RGS7: variants seen among roughly 807,000 people sequenced by gnomAD.
RGS7 encodes the protein regulator of G protein signaling 7.
Under a neutral mutation model 81.1 loss-of-function variants are expected in RGS7, and 27 were observed. That is an observed-to-expected ratio of 0.33 (90% confidence interval 0.25 to 0.46). RGS7 has a LOEUF of 0.46. Ranked by LOEUF, RGS7 falls within the 20% of genes least tolerant of loss-of-function variation. The pLI, the probability that RGS7 is intolerant of heterozygous loss-of-function variation, is 1.00. For missense variants in RGS7, 396 were observed against 607.4 expected, an observed-to-expected ratio of 0.65 and a Z score of 3.66; for synonymous variants, 208 against 207.7, an observed-to-expected ratio of 1.00 and a Z score of -0.01.
At chr1:240,827,895 G>A (rs1693165121) in intron 9 of RGS7, among the ~76,000 whole-genome samples, 1 of 145,624 alleles carries the variant, frequency 6.9e-6, no homozygotes, top group Non-Finnish European at 1.5e-5. Context: ...AAAACAGGCT[G>A]TTATTAGATG....
chr1:240,816,593 G>A (rs1010563155), intron 10 of RGS7, among the ~76,000 whole-genome samples, 178 bp from the exon 11 acceptor site: 5 of 151,952 alleles, frequency 3.3e-5, no homozygotes, highest in African/African-American at 1.2e-4. Context: ...TAAAATAGAA[G>A]CACAGCTCGG....
Position 240,793,384 on chromosome 1 carries a change from G to T in RGS7, c.*6+7257C>A, listed in dbSNP as rs147175084. On this transcript the variant is annotated intron_variant, in intron 18 of 18. Transcript: ENST00000440928. ...TTTTCTCAGGCAAGTTATCATCACC[G>T]CCAGTTTCAATAAAATAAGATGGAT... Among the ~76,000 whole-genome samples the T allele has an allele frequency of 2.2e-4, 34 of 151,910 alleles. No individual in the cohort carries two copies. The East Asian group carries it at 5.8e-3, about 26-fold the overall frequency.
intron 9 of RGS7, among the ~76,000 whole-genome samples, chr1:240,864,358 CAT>C (rs1202203523): frequency 1.3e-5 from 2 of 152,108 alleles, no homozygotes; most frequent in Non-Finnish European, 2.9e-5. Context: ...TTGAAGGAAA[CAT>C]GTTTTAGTCA....
At chr1:240,835,666 C>T (rs368845092) in intron 9 of RGS7, among the ~76,000 whole-genome samples, 20 of 152,258 alleles carry the variant, frequency 1.3e-4, no homozygotes, top group Admixed American at 7.2e-4. Flanking sequence ...TTCATAATTG[C>T]CGAAACTTCA....
chr1:241,258,070 G>A (rs10754721), intron 2 of RGS7, among the ~76,000 whole-genome samples: 19,968 of 152,120 alleles, frequency 0.13, 1,465 homozygotes, highest in East Asian at 0.21. Flanking sequence ...TATTGACTAT[G>A]TAATGAGACT....
At chr1:241,339,620 A>T (rs926564588) in intron 2 of RGS7, among the ~76,000 whole-genome samples, 5 of 152,182 alleles carry the variant, frequency 3.3e-5, no homozygotes, top group Non-Finnish European at 5.9e-5. Flanking sequence ...TGACCCTGTA[A>T]TCATCAGGGA....
intron 2 of RGS7, among the ~76,000 whole-genome samples, chr1:241,342,843 T>C (rs540967006): frequency 5.1e-4 from 78 of 152,332 alleles, no homozygotes; most frequent in African/African-American, 1.9e-3. Context: ...GGATGACTAT[T>C]ACCAAAGAAA....
intron 2 of RGS7, among the ~76,000 whole-genome samples, chr1:241,247,146 C>T (rs576477241): frequency 2.9e-4 from 44 of 152,160 alleles, no homozygotes; most frequent in African/African-American, 1.0e-3. Flanking sequence ...CTTCTGTAGG[C>T]TATAAGCTCT....
At chr1:241,141,150 G>A (rs530767563) in intron 2 of RGS7, among the ~76,000 whole-genome samples, 1 of 152,310 alleles carries the variant, frequency 6.6e-6, no homozygotes, top group Admixed American at 6.5e-5. Flanking sequence ...TCTTTACTCA[G>A]ATTGGAGTTA....
intron 4 of RGS7, among the ~76,000 whole-genome samples, chr1:240,937,741 C>A (rs1236569141): frequency 6.6e-6 from 1 of 152,058 alleles, no homozygotes; most frequent in East Asian, 1.9e-4. Flanking sequence ...TGATATGGAC[C>A]ATTATTTTGT....
intron 3 of RGS7, chr1:240,998,834 T>C: frequency 1.7e-6 from 1 of 573,916 alleles, no homozygotes; most frequent in Non-Finnish European, 3.3e-6. Flanking sequence ...CGGACGCGGA[T>C]GGACCGAGCA....
chr1:241,242,893 T>C (rs2076332552), intron 2 of RGS7, among the ~76,000 whole-genome samples: 1 of 152,262 alleles, frequency 6.6e-6, no homozygotes, highest in Non-Finnish European at 1.5e-5. Context: ...CTTTGTCAGA[T>C]GTATAGATTA....
At chr1:241,075,750 C>T (rs1354667877) in intron 3 of RGS7, among the ~76,000 whole-genome samples, 1 of 152,124 alleles carries the variant, frequency 6.6e-6, no homozygotes, top group African/African-American at 2.4e-5. Flanking sequence ...GAAATTTGTT[C>T]TGAAAGACAG....
intron 3 of RGS7, among the ~76,000 whole-genome samples, chr1:241,030,190 T>C (rs190055573): frequency 3.3e-5 from 5 of 152,152 alleles, no homozygotes; most frequent in Admixed American, 3.3e-4. Context: ...ATGGCAAATA[T>C]TGATTGGTAG....
chr1:241,339,511 T>G (rs1390680458), intron 2 of RGS7, among the ~76,000 whole-genome samples: 5 of 152,206 alleles, frequency 3.3e-5, no homozygotes, highest in Non-Finnish European at 7.3e-5. Context: ...AAATTCAGTT[T>G]GGATGCAAGT....
At chr1:241,270,655 C>G (rs571372673) in intron 2 of RGS7, among the ~76,000 whole-genome samples, 1 of 152,022 alleles carries the variant, frequency 6.6e-6, no homozygotes, top group African/African-American at 2.4e-5. Flanking sequence ...AGTAAGTTTT[C>G]TTTTCTCTCT....
intron 6 of RGS7, among the ~76,000 whole-genome samples, chr1:240,901,905 A>G (rs995976538): frequency 1.3e-5 from 2 of 152,172 alleles, no homozygotes; most frequent in Non-Finnish European, 1.5e-5. Flanking sequence ...ATTTTCTCTG[A>G]TACACCTAGT....
intron 9 of RGS7, among the ~76,000 whole-genome samples, chr1:240,862,442 A>G (rs576527220): frequency 6.6e-6 from 1 of 152,204 alleles, no homozygotes; most frequent in Admixed American, 6.5e-5. Flanking sequence ...TCCATTCTTG[A>G]GGTTGGAATA....
intron 6 of RGS7, among the ~76,000 whole-genome samples, chr1:240,927,394 A>C (rs2148330589): frequency 6.6e-6 from 1 of 152,292 alleles, no homozygotes; most frequent in Non-Finnish European, 1.5e-5. Flanking sequence ...TGCCTTATGC[A>C]ATAAAGTCCC....
Sources: gnomAD v4.1 joint callset for allele counts (sites outside exome capture counted in the v4.1 genomes callset) on GRCh38, gnomAD v4.1.1 for gene constraint, MANE v1.5 for transcripts, NCBI Gene and HGNC (gene_info 2026-07-23, HGNC 2026-07-21) for gene names.